The following VPS36 variants were observed in gnomAD, a reference collection of about 807,000 sequenced individuals.
VPS36 encodes vacuolar protein sorting 36 homolog, also known as vacuolar protein-sorting-associated protein 36.
In VPS36, 31 loss-of-function variants were observed where a neutral mutation model predicts 63.5. The observed-to-expected ratio is 0.49, with a 90% CI of 0.37 to 0.66. The LOEUF (loss-of-function observed/expected upper bound fraction) is 0.66, where lower values mean the gene tolerates loss of function less well. Among genes scored for constraint, VPS36 ranks in the 30% least tolerant of loss-of-function variants. VPS36 has a pLI of 0.00. For synonymous variants in VPS36, 138 were observed against 157.2 expected (o/e 0.88, Z 0.91); for missense variants, 338 against 463.7 (o/e 0.73, Z 2.49).
chr13:52,420,597 T>A (rs1032947503), intron 10 of VPS36, among the ~76,000 whole-genome samples: 1 of 151,902 alleles, frequency 6.6e-6, no homozygotes, highest in Non-Finnish European at 1.5e-5. Flanking sequence ...CCTCCCAAAG[T>A]GCTGGGATTA....
chr13:52,421,369 G>A (rs79324729), intron 10 of VPS36, among the ~76,000 whole-genome samples: 1 of 152,054 alleles, frequency 6.6e-6, no homozygotes, highest in African/African-American at 2.4e-5. Flanking sequence ...AGGCTGGGGA[G>A]GGTAGGTGGG....
intron 6 of VPS36, 87 bp from the exon 7 acceptor site, chr13:52,427,306 T>TA: frequency 6.7e-7 from 1 of 1,497,080 alleles, no homozygotes; most frequent in Non-Finnish European, 9.2e-7. Flanking sequence ...TTTTTCCCCA[T>TA]AAAAATTTGA....
intron 8 of VPS36, among the ~76,000 whole-genome samples, chr13:52,426,671 C>G (rs760035389): frequency 2.0e-5 from 3 of 152,006 alleles, no homozygotes; most frequent in African/African-American, 4.8e-5. Context: ...CTGACTAACA[C>G]GGTGAAACCC....
intron 1 of VPS36, among the ~76,000 whole-genome samples, chr13:52,444,434 TG>T (rs1192499648): frequency 1.3e-5 from 2 of 151,006 alleles, no homozygotes; most frequent in Non-Finnish European, 1.5e-5. Flanking sequence ...CACTCCAGCC[TG>T]GGTGACAGAG....
At position 52,426,052 on chromosome 13, in the gene VPS36, T is replaced by G. The variant is rs1246112588; in HGVS notation, c.654A>C (p.Lys218Asn). The change falls in exon 9 of 14, where the codon AAA (lysine) becomes AAC (asparagine). Residue 218 changes from lysine (K) to asparagine (N), a missense_variant. Coordinates refer to ENST00000378060, the MANE Select transcript of VPS36 (RefSeq NM_016075.4). ...CTATTCCCATGCTCAGCAAGTAGGA[T>G]TTAAACCTGATGGTCTATAATAAAA... ...DITEDETIRF[K>N]SYLLSMGIAN... 7.4e-6 allele frequency: 12 copies of G among 1,613,736 alleles called. No individual in the cohort carries two copies. Among genetic ancestry groups the G allele is most frequent in the Non-Finnish European group, 1.0e-5 (12 of 1,179,920 alleles).
intron 2 of VPS36, among the ~76,000 whole-genome samples, chr13:52,442,003 A>G (rs950958790): frequency 3.3e-5 from 5 of 152,210 alleles, no homozygotes; most frequent in African/African-American, 9.6e-5. Flanking sequence ...TTTAAAAAAC[A>G]TGATTCTCCA....
At position 52,415,841 on chromosome 13, in the gene VPS36, T is replaced by C; in HGVS notation, c.1150A>G (p.Thr384Ala). The C allele has an allele frequency of 6.2e-7, 1 of 1,614,060 alleles. No homozygotes were observed. The highest frequency in any genetic ancestry group is 1.6e-4 in the Middle Eastern group (1 of 6,062). ...GLRFYPNLFM[T>A]QS is the part of the protein sequence containing the mutation. ...TAAATACAAAACCCTTAGCTCTGTG[T>C]CATAAATAAATTTGGGTAAAAACGC... is the stretch of plus-strand genomic sequence containing the variant. The change falls in exon 14 of 14, where the codon ACA becomes GCA. Residue 384 changes from threonine (T) to alanine (A), a missense_variant. Physicochemically the swap from Thr to Ala is moderately conservative, Grantham distance 58 (BLOSUM62 0). Transcript: ENST00000378060.
At chr13:52,442,492 G>A (rs754760477) in intron 1 of VPS36, 47 bp from the exon 2 acceptor site, 1 of 1,529,162 alleles carries the variant, frequency 6.5e-7, no homozygotes, top group South Asian at 1.2e-5. Context: ...ATCACTCATT[G>A]TGGTTCCGAT....
chr13:52,426,872 A>G (rs1329159649), intron 8 of VPS36, 117 bp downstream of exon 8: 5 of 659,946 alleles, frequency 7.6e-6, no homozygotes, highest in Non-Finnish European at 1.2e-5. Flanking sequence ...AATAAACAAT[A>G]AATAAAACAT....
Position 52,418,025 on chromosome 13 carries a change from C to G in VPS36, c.872G>C (p.Cys291Ser). Residue 291 changes from cysteine to serine, a missense_variant, in exon 11 of 14, where the codon TGC (cysteine) becomes TCC (serine). Physicochemically the swap from Cys to Ser is moderately radical, Grantham distance 112. Coordinates refer to ENST00000378060, the MANE Select transcript of VPS36 (RefSeq NM_016075.4). ...LLSPEDLVNA[C>S]KMLEALKLPL... ...TAATTTCAGTGCTTCCAGCATCTTG[C>G]ACGCATTCACTAAATCTTCTGGTGA... 6.2e-7 allele frequency: 1 copy of G among 1,612,272 alleles called. No individual in the cohort carries two copies. The highest frequency in any genetic ancestry group is 8.5e-7 in the Non-Finnish European group (1 of 1,179,272).
At chr13:52,430,254 T>C (rs1418226287) in intron 6 of VPS36, among the ~76,000 whole-genome samples, 1 of 151,890 alleles carries the variant, frequency 6.6e-6, no homozygotes, top group Non-Finnish European at 1.5e-5. Context: ...TGAAAAGCAT[T>C]AGAGTCACAA....
At position 52,415,447 on chromosome 13, in the gene VPS36, T is replaced by A; in HGVS notation, c.*383A>T. Reference sequence around the variant, plus strand: ...ACATTGTCATGTGCAATCAGTGAATTTCAGTTACACCAAAATAATAATCTA... The same window carrying A: ...ACATTGTCATGTGCAATCAGTGAATATCAGTTACACCAAAATAATAATCTA... On this transcript the variant is annotated 3_prime_UTR_variant, in exon 14 of 14. Coordinates refer to ENST00000378060, the MANE Select transcript of VPS36 (RefSeq NM_016075.4). 1 of 171,598 alleles carries A rather than the reference T, an allele frequency of 5.8e-6. No homozygotes were observed. Among genetic ancestry groups the A allele is most frequent in the Non-Finnish European group, 1.2e-5 (1 of 80,332 alleles). 10.6% of individuals were successfully genotyped at this position (171,598 alleles called of 1,614,324 possible).
At chr13:52,445,552 T>C (rs925076753) in intron 1 of VPS36, among the ~76,000 whole-genome samples, 54 of 145,038 alleles carry the variant, frequency 3.7e-4, no homozygotes, top group African/African-American at 1.3e-3. Flanking sequence ...GGCAGGAGAA[T>C]GGCGTGAACT....
rs1957968013 is a variant in VPS36, at chr13:52,413,767, A to T, written c.*2063T>A. 1 of 152,620 alleles carries T rather than the reference A, an allele frequency of 6.6e-6. No homozygotes were observed. Among genetic ancestry groups the T allele is most frequent in the Admixed American group, 6.5e-5 (1 of 15,282 alleles). The allele number at this position is 152,620 out of a possible 1,614,324, so 9.5% of individuals were successfully genotyped here. ...CTTAGGGCCTGATTGGTTGTATTTA[A>T]ACATAACTTCTACATTAGAGGGCCA... On this transcript the variant is annotated 3_prime_UTR_variant, in exon 14 of 14. Transcript: ENST00000378060.
At position 52,415,780 on chromosome 13, in the gene VPS36, C is replaced by T. The variant is rs372220620; in HGVS notation, c.*50G>A. The T allele has an allele frequency of 2.9e-4, 444 of 1,549,870 alleles. No homozygotes were observed. Among genetic ancestry groups the T allele is most frequent in the Non-Finnish European group, 3.8e-4 (428 of 1,126,400 alleles). On this transcript the variant is annotated 3_prime_UTR_variant, in exon 14 of 14. Coordinates refer to ENST00000378060, the MANE Select transcript of VPS36 (RefSeq NM_016075.4). The stretch of plus-strand genomic sequence containing the variant: ...ATCTCTTAGCTCAATGTCATACAAC[C>T]TCTACATGACGCAAGCATATGGACA...
rs757826427 is a variant in VPS36, at chr13:52,416,078, A to T, written c.1006T>A (p.Ser336Thr). The T allele has an allele frequency of 6.2e-7, 1 of 1,613,238 alleles. No homozygotes were observed. The highest frequency in any genetic ancestry group is 2.2e-5 in the East Asian group (1 of 44,868). Residue 336 changes from serine (S) to threonine (T), a missense_variant, in exon 13 of 14, where the codon TCC (serine) becomes ACC (threonine). Coordinates refer to ENST00000378060, the MANE Select transcript of VPS36 (RefSeq NM_016075.4). ...TTAGCAAACTCTTCTGATGTTAGGGATCCCTTTTCTGAAACCTAATAGAAA... is the reference window on the plus strand; with the variant it reads ...TTAGCAAACTCTTCTGATGTTAGGGTTCCCTTTTCTGAAACCTAATAGAAA... ...SALETVSEKG[S>T]LTSEEFAKLV...
chr13:52,442,115 G>A (rs1958285277), intron 2 of VPS36, among the ~76,000 whole-genome samples: 1 of 152,144 alleles, frequency 6.6e-6, no homozygotes, highest in Non-Finnish European at 1.5e-5. Flanking sequence ...ACACTCTTTT[G>A]TCATTCAGAA....
At chr13:52,419,292 C>T (rs914577103) in intron 10 of VPS36, among the ~76,000 whole-genome samples, 2 of 152,228 alleles carry the variant, frequency 1.3e-5, no homozygotes, top group East Asian at 1.9e-4. Flanking sequence ...TGCTGATACC[C>T]AGCCAAAGGG....
chr13:52,419,841 A>C (rs757817242), intron 10 of VPS36, among the ~76,000 whole-genome samples: 1 of 152,190 alleles, frequency 6.6e-6, no homozygotes, highest in Non-Finnish European at 1.5e-5. Flanking sequence ...AAAAAAATTG[A>C]TTTCATGCAG....
Sources: gnomAD v4.1 joint callset for allele counts (sites outside exome capture counted in the v4.1 genomes callset) on GRCh38, gnomAD v4.1.1 for gene constraint, MANE v1.5 for transcripts, NCBI Gene and HGNC (gene_info 2026-07-23, HGNC 2026-07-21) for gene names.